Variants in LRRC37A2 observed in about 807,000 individuals in gnomAD.
LRRC37A2 encodes the protein leucine rich repeat containing 37 member A2.
In LRRC37A2, 9 loss-of-function variants were observed where a neutral mutation model predicts 68.8. The observed-to-expected ratio is 0.13, with a 90% CI of 0.08 to 0.23. The LOEUF is 0.23. LRRC37A2 is among the 10% of genes least tolerant of loss of function. The probability of loss-of-function intolerance (pLI) is 1.00; values close to 1 mark genes in which losing one functional copy is unlikely to be tolerated. For synonymous variants in LRRC37A2, 63 were observed against 367.6 expected, an observed-to-expected ratio of 0.17 and a Z score of 9.48; for missense variants, 168 against 950.4, an observed-to-expected ratio of 0.18 and a Z score of 10.82.
the LRRC37A2 span, among the ~76,000 whole-genome samples, chr17:46,896,321 A>G: frequency 2.1e-3 from 321 of 150,690 alleles, 1 homozygote; most frequent in African/African-American, 7.7e-3. Context: ...GAAAGAAAGA[A>G]AGAGAGAAAG....
At chr17:46,533,324 G>T (rs1020073603) in intron 6 of LRRC37A2, among the ~76,000 whole-genome samples, 1 of 84,348 alleles carries the variant, frequency 1.2e-5, no homozygotes, top group African/African-American at 7.2e-5. Flanking sequence ...ATTTTATAAC[G>T]TTGTAGTTCA....
At chr17:46,852,895 G>C in the LRRC37A2 span, among the ~76,000 whole-genome samples, 2 of 152,080 alleles carry the variant, frequency 1.3e-5, no homozygotes, top group African/African-American at 4.8e-5. Flanking sequence ...TAATTTCCAG[G>C]TCATGACCCC....
chr17:46,904,900 C>T, the LRRC37A2 span, among the ~76,000 whole-genome samples: 5 of 152,118 alleles, frequency 3.3e-5, no homozygotes, highest in Non-Finnish European at 5.9e-5. Flanking sequence ...GCACTCCCAT[C>T]TCTTTGGGGC....
the LRRC37A2 span, among the ~76,000 whole-genome samples, chr17:46,917,546 C>A: frequency 6.6e-6 from 1 of 152,240 alleles, no homozygotes; most frequent in Non-Finnish European, 1.5e-5. Context: ...GTCCATGCAG[C>A]AGCTCTGATG....
the LRRC37A2 span, among the ~76,000 whole-genome samples, chr17:47,013,300 T>C: frequency 6.6e-6 from 1 of 152,220 alleles, no homozygotes; most frequent in African/African-American, 2.4e-5. Flanking sequence ...TCTGCAAATA[T>C]ACTAAAAACC....
the LRRC37A2 span, chr17:46,979,031 G>C: frequency 7.2e-7 from 1 of 1,386,918 alleles, no homozygotes; most frequent in Non-Finnish European, 9.2e-7. Flanking sequence ...CGGGGGTCTC[G>C]GCGCGCAGTC....
At chr17:46,916,162 C>G in the LRRC37A2 span, among the ~76,000 whole-genome samples, 11 of 152,338 alleles carry the variant, frequency 7.2e-5, no homozygotes, top group African/African-American at 2.6e-4. Context: ...GAAGTGGCCA[C>G]GCCTATCTTC....
chr17:46,771,345 C>T, the LRRC37A2 span, among the ~76,000 whole-genome samples: 2 of 151,860 alleles, frequency 1.3e-5, no homozygotes, highest in African/African-American at 4.8e-5. Flanking sequence ...CAATCCTAGA[C>T]GCCCCAGCCC....
the LRRC37A2 span, among the ~76,000 whole-genome samples, chr17:46,969,705 A>G: frequency 6.6e-6 from 1 of 152,222 alleles, no homozygotes; most frequent in Admixed American, 6.5e-5. Context: ...ACGGGAATCA[A>G]AACAATGAAA....
chr17:46,905,517 C>T, the LRRC37A2 span, among the ~76,000 whole-genome samples: 3 of 152,228 alleles, frequency 2.0e-5, no homozygotes. Flanking sequence ...AAGTTGTTTC[C>T]TTTTGTACAT....
intron 8 of LRRC37A2, 36 bp from the exon 8 acceptor site, chr17:46,546,211 AACCGCTTT>A: frequency 1.5e-6 from 1 of 661,852 alleles, no homozygotes; most frequent in South Asian, 1.7e-5. Flanking sequence ...CTACTCAAGT[AACCGCTTT>A]ACCGCTAATT....
At chr17:46,943,956 T>TG in the LRRC37A2 span, among the ~76,000 whole-genome samples, 1 of 152,044 alleles carries the variant, frequency 6.6e-6, no homozygotes, top group African/African-American at 2.4e-5. Flanking sequence ...GCGTGACTAA[T>TG]GCAGGGTATC....
At chr17:46,810,024 G>C in the LRRC37A2 span, among the ~76,000 whole-genome samples, 1 of 37,218 alleles carries the variant, frequency 2.7e-5, no homozygotes. Flanking sequence ...TTTTTTTTTT[G>C]AGACAGAGTG....
At chr17:46,809,103 T>C in the LRRC37A2 span, among the ~76,000 whole-genome samples, 2 of 151,678 alleles carry the variant, frequency 1.3e-5, no homozygotes, top group African/African-American at 4.8e-5. Flanking sequence ...CCAGTTGAAG[T>C]GGGTTATTGG....
At chr17:46,923,993 A>G in the LRRC37A2 span, 1 of 397,054 alleles carries the variant, frequency 2.5e-6, no homozygotes, top group East Asian at 3.6e-5. Context: ...TACACAACAT[A>G]AGATTTACTG....
At chr17:46,805,446 G>A in the LRRC37A2 span, among the ~76,000 whole-genome samples, 543 of 151,842 alleles carry the variant, frequency 3.6e-3, no homozygotes, top group Non-Finnish European at 5.8e-3. Context: ...GGTGGCGGGC[G>A]CCTATAATCC....
chr17:46,883,922 C>T, the LRRC37A2 span, among the ~76,000 whole-genome samples: 2 of 152,190 alleles, frequency 1.3e-5, no homozygotes, highest in African/African-American at 4.8e-5. Flanking sequence ...GGCCCATATT[C>T]CTCCCTGGCT....
chr17:46,769,943 G>A, the LRRC37A2 span: 8 of 1,613,078 alleles, frequency 5.0e-6, no homozygotes, highest in African/African-American at 1.1e-4. Context: ...CTTATGATGC[G>A]AGTCACAGCC....
At chr17:47,033,098 T>C in the LRRC37A2 span, among the ~76,000 whole-genome samples, 1 of 151,590 alleles carries the variant, frequency 6.6e-6, no homozygotes, top group Non-Finnish European at 1.5e-5. Context: ...GTACCTATGA[T>C]CCCAGCTACT....
Sources: gnomAD v4.1 joint callset for allele counts (sites outside exome capture counted in the v4.1 genomes callset) on GRCh38, gnomAD v4.1.1 for gene constraint, MANE v1.5 for transcripts, NCBI Gene and HGNC (gene_info 2026-07-23, HGNC 2026-07-21) for gene names.